DMD: variants seen among roughly 807,000 people sequenced by gnomAD.
DMD encodes mutant dystrophin.
In DMD, 63 loss-of-function variants were observed where a neutral mutation model predicts 330.1. The ratio of observed to expected loss-of-function variants is 0.19; its 90% CI spans 0.16 to 0.24. DMD has a LOEUF of 0.24. Among genes scored for constraint, DMD ranks in the 10% least tolerant of loss-of-function variants. The pLI is 1.00. For synonymous variants in DMD, 1,223 were observed against 959.8 expected, an observed-to-expected ratio of 1.27 and a Z score of -5.07; for missense variants, 3,344 against 2,684.1, an observed-to-expected ratio of 1.25 and a Z score of -5.43.
chrX:32,130,425 A>C (rs2096686203), intron 44 of DMD, among the ~76,000 whole-genome samples: 1 of 111,282 alleles, frequency 9.0e-6, no homozygotes, highest in Non-Finnish European at 1.9e-5. Context: ...TTTCTGTATA[A>C]ATTCCCATAA....
chrX:31,227,828 T>C (rs1021154970), intron 63 of DMD, among the ~76,000 whole-genome samples: 4 of 110,839 alleles, frequency 3.6e-5, no homozygotes, highest in Admixed American at 9.6e-5. Flanking sequence ...TGTGGCATTA[T>C]TCACAATAGC....
At chrX:32,127,490 C>G (rs758731424) in intron 44 of DMD, among the ~76,000 whole-genome samples, 2 of 111,205 alleles carry the variant, frequency 1.8e-5, no homozygotes, top group South Asian at 7.7e-4. Flanking sequence ...CACTGTCCAG[C>G]CCTTTGTACT....
chrX:31,305,872 G>T (rs2054987690), intron 62 of DMD, among the ~76,000 whole-genome samples: 1 of 112,550 alleles, frequency 8.9e-6, no homozygotes, highest in Admixed American at 9.4e-5. Flanking sequence ...TTACAAACTA[G>T]TTATACTTGG....
chrX:33,041,614 G>T, intron 1 of DMD: 1 of 1,208,801 alleles, frequency 8.3e-7, no homozygotes, highest in Middle Eastern at 3.2e-4. Context: ...GTTGGAAGCC[G>T]CATATTTGGA....
chrX:31,491,980 T>C (rs2069347244), intron 57 of DMD, among the ~76,000 whole-genome samples: 1 of 112,226 alleles, frequency 8.9e-6, no homozygotes, highest in Non-Finnish European at 1.9e-5. Flanking sequence ...TTTAATGGGA[T>C]TTGTATCCCC....
chrX:32,650,723 C>G (rs1432073461), intron 9 of DMD, among the ~76,000 whole-genome samples: 6 of 111,767 alleles, frequency 5.4e-5, no homozygotes, highest in Non-Finnish European at 1.1e-4. Context: ...ATAGATAGGG[C>G]CTGAAATTGA....
chrX:31,244,080 A>G (rs745706579), intron 63 of DMD, among the ~76,000 whole-genome samples: 58 of 112,321 alleles, frequency 5.2e-4, no homozygotes, highest in Non-Finnish European at 9.8e-4. Context: ...ACCTGGAGAG[A>G]TAAGTTAAAG....
intron 12 of DMD, among the ~76,000 whole-genome samples, chrX:32,613,384 A>T (rs2057320990): frequency 9.0e-6 from 1 of 110,801 alleles, no homozygotes; most frequent in South Asian, 3.7e-4. Flanking sequence ...ATTAAAATAA[A>T]GCACCCTCAT....
At chrX:32,123,857 G>A (rs2096649640) in intron 44 of DMD, among the ~76,000 whole-genome samples, 1 of 112,099 alleles carries the variant, frequency 8.9e-6, no homozygotes, top group African/African-American at 3.2e-5. Context: ...AAATTTTATG[G>A]TGTAATCCTA....
At chrX:31,314,742 CAGAGAG>C (rs199994602) in intron 62 of DMD, among the ~76,000 whole-genome samples, 16,631 of 55,013 alleles carry the variant, frequency 0.3, 990 homozygotes, top group East Asian at 0.53. Context: ...AATACATACA[CAGAGAG>C]AGAGAGAGAG....
At chrX:31,898,354 C>T in intron 47 of DMD, among the ~76,000 whole-genome samples, 1 of 109,966 alleles carries the variant, frequency 9.1e-6, no homozygotes, top group East Asian at 2.9e-4. Context: ...CATCACACTA[C>T]CTGACTTCAA....
intron 7 of DMD, among the ~76,000 whole-genome samples, chrX:32,737,513 A>C (rs765649416): frequency 1.7e-4 from 19 of 111,586 alleles, no homozygotes; most frequent in South Asian, 3.7e-4. Context: ...CTTGAAAACT[A>C]AACTATATTA....
At chrX:32,224,458 G>A (rs1021989974) in intron 43 of DMD, among the ~76,000 whole-genome samples, 11 of 111,267 alleles carry the variant, frequency 9.9e-5, no homozygotes, top group Non-Finnish European at 1.9e-4. Context: ...TAAAACATGT[G>A]CACTGTACAA....
chrX:32,503,360 A>C, intron 18 of DMD, among the ~76,000 whole-genome samples: 1 of 112,325 alleles, frequency 8.9e-6, no homozygotes, highest in South Asian at 3.7e-4. Context: ...ACTGTACTCC[A>C]GCCTGGGCGA....
intron 1 of DMD, among the ~76,000 whole-genome samples, chrX:33,231,577 A>G (rs1008978203): frequency 1.8e-5 from 2 of 111,787 alleles, no homozygotes; most frequent in African/African-American, 6.5e-5. Flanking sequence ...GTTCAATAAA[A>G]CAGTACAAAG....
intron 61 of DMD, among the ~76,000 whole-genome samples, chrX:31,332,954 T>C (rs1438381460): frequency 8.9e-6 from 1 of 112,150 alleles, no homozygotes; most frequent in Non-Finnish European, 1.9e-5. Context: ...AGACTTTCCA[T>C]GGTTCTAGAG....
intron 1 of DMD, among the ~76,000 whole-genome samples, chrX:33,135,536 G>A (rs1358567776): frequency 2.7e-5 from 3 of 111,761 alleles, no homozygotes; most frequent in African/African-American, 9.7e-5. Context: ...ACATTCTTAT[G>A]GAATATTTAA....
chrX:33,111,600 G>A (rs947893211), intron 1 of DMD, among the ~76,000 whole-genome samples: 13 of 111,473 alleles, frequency 1.2e-4, no homozygotes, highest in African/African-American at 1.6e-4. Context: ...CTTAATGTGC[G>A]TGTGTGTTTT....
chrX:33,033,892 T>C (rs1235051399), intron 1 of DMD, among the ~76,000 whole-genome samples: 3 of 112,064 alleles, frequency 2.7e-5, no homozygotes, highest in Non-Finnish European at 5.6e-5. Flanking sequence ...ATTTTCTGTT[T>C]CGAAAAACAG....
Sources: allele counts gnomAD v4.1 joint callset (sites outside exome capture counted in the v4.1 genomes callset), GRCh38; gene constraint gnomAD v4.1.1; transcripts MANE v1.5; gene names NCBI Gene and HGNC (gene_info 2026-07-23, HGNC 2026-07-21).